The following PCCA variants were observed in gnomAD, a reference collection of about 807,000 sequenced individuals.
PCCA encodes the protein propionyl-CoA carboxylase alpha chain, mitochondrial.
PCCA carries 74 observed loss-of-function variants against 101.3 expected under a neutral mutation model. The ratio of observed to expected loss-of-function variants is 0.73; its 90% CI spans 0.61 to 0.89. The LOEUF is 0.89. Ranked by LOEUF, PCCA falls within the 40% of genes least tolerant of loss-of-function variation. The pLI, the probability that PCCA is intolerant of heterozygous loss-of-function variation, is 0.00. For missense variants in PCCA, 891 were observed against 907.0 expected, an observed-to-expected ratio of 0.98 and a Z score of 0.23; for synonymous variants, 294 against 313.6, an observed-to-expected ratio of 0.94 and a Z score of 0.66.
chr13:100,223,709 A>T (rs2059957968), intron 7 of PCCA, among the ~76,000 whole-genome samples: 1 of 152,048 alleles, frequency 6.6e-6, no homozygotes, highest in South Asian at 2.1e-4. Context: ...TGATTGGTAG[A>T]GCCTGGTGGT....
At chr13:100,202,157 C>T (rs2058556455) in intron 6 of PCCA, among the ~76,000 whole-genome samples, 1 of 132,312 alleles carries the variant, frequency 7.6e-6, no homozygotes, top group Non-Finnish European at 1.5e-5. Context: ...TAGCAAGACT[C>T]CATCTCTACC....
At chr13:100,343,664 A>G (rs1488981029) in intron 18 of PCCA, among the ~76,000 whole-genome samples, 2 of 152,206 alleles carry the variant, frequency 1.3e-5, no homozygotes, top group Admixed American at 6.5e-5. Context: ...CTAAAACTGG[A>G]TTGGGGTGAT....
chr13:100,224,932 A>G (rs1431812514), intron 7 of PCCA, among the ~76,000 whole-genome samples: 2 of 152,256 alleles, frequency 1.3e-5, no homozygotes, highest in Admixed American at 1.3e-4. Flanking sequence ...AGAGAAAATT[A>G]GGATCCAGAT....
chr13:100,143,991 T>A (rs1201632964), intron 4 of PCCA, among the ~76,000 whole-genome samples: 1 of 151,968 alleles, frequency 6.6e-6, no homozygotes, highest in East Asian at 1.9e-4. Context: ...CTGGAACTCC[T>A]GGGCTCAAAT....
intron 4 of PCCA, 128 bp from the exon 5 acceptor site, chr13:100,154,851 C>G: frequency 1.4e-6 from 1 of 738,994 alleles, no homozygotes; most frequent in Non-Finnish European, 2.5e-6. Context: ...TTAGTGCATA[C>G]TCAAAAAGAA....
chr13:100,152,259 C>G (rs1310520738), intron 4 of PCCA, among the ~76,000 whole-genome samples: 1 of 152,036 alleles, frequency 6.6e-6, no homozygotes, highest in Non-Finnish European at 1.5e-5. Flanking sequence ...GCCAACCAAT[C>G]CTTTATAAAC....
At chr13:100,525,026 T>TAGACAGACAGAC (rs1555330407) in intron 22 of PCCA, among the ~76,000 whole-genome samples, 2 of 142,526 alleles carry the variant, frequency 1.4e-5, no homozygotes, top group African/African-American at 5.3e-5. Flanking sequence ...GATAGATAGA[T>TAGACAGACAGAC]AGACAGACAG....
chr13:100,325,837 G>A (rs535258995), intron 16 of PCCA, among the ~76,000 whole-genome samples: 2 of 152,252 alleles, frequency 1.3e-5, no homozygotes, highest in South Asian at 4.2e-4. Flanking sequence ...GTAAGGGGCT[G>A]TCTTCTAAAG....
intron 21 of PCCA, chr13:100,480,459 A>G (rs754144773): frequency 1.3e-5 from 2 of 152,208 alleles, no homozygotes; most frequent in Non-Finnish European, 2.9e-5. Flanking sequence ...CACTTTGCAA[A>G]GGCTGACAGT....
intron 21 of PCCA, chr13:100,464,338 A>AT (rs2082363457): frequency 6.6e-6 from 1 of 152,112 alleles, no homozygotes; most frequent in Non-Finnish European, 1.5e-5. Flanking sequence ...CTGGTCCTCA[A>AT]TTTTTTCATC....
chr13:100,283,860 C>T (rs1436768190), intron 12 of PCCA, among the ~76,000 whole-genome samples: 1 of 152,190 alleles, frequency 6.6e-6, no homozygotes, highest in Non-Finnish European at 1.5e-5. Context: ...CAATGAGAAA[C>T]AGGCTGCCGC....
chr13:100,329,714 C>T (rs2069257748), intron 16 of PCCA, among the ~76,000 whole-genome samples: 1 of 152,042 alleles, frequency 6.6e-6, no homozygotes, highest in Non-Finnish European at 1.5e-5. Flanking sequence ...TATATGACAA[C>T]CAGCGATGAT....
chr13:100,247,200 G>A (rs1248612533), intron 8 of PCCA, among the ~76,000 whole-genome samples: 5 of 146,644 alleles, frequency 3.4e-5, no homozygotes, highest in Non-Finnish European at 7.4e-5. Context: ...AAGCCACTGC[G>A]CCCAGCCTGT....
intron 12 of PCCA, among the ~76,000 whole-genome samples, chr13:100,297,587 G>A (rs2065654810): frequency 2.6e-5 from 4 of 152,172 alleles, no homozygotes; most frequent in African/African-American, 9.7e-5. Flanking sequence ...AGAGGGAGTG[G>A]TAAGAGGTAT....
At chr13:100,090,542 A>T (rs182871142) in intron 1 of PCCA, among the ~76,000 whole-genome samples, 65 of 152,244 alleles carry the variant, frequency 4.3e-4, no homozygotes, top group African/African-American at 1.5e-3. Context: ...TTTTCAACAA[A>T]TATTTACTGA....
At chr13:100,140,267 G>A (rs956059903) in intron 4 of PCCA, among the ~76,000 whole-genome samples, 4 of 152,102 alleles carry the variant, frequency 2.6e-5, no homozygotes, top group Non-Finnish European at 4.4e-5. Context: ...AAAAACCTTG[G>A]GGTTTTACCT....
intron 21 of PCCA, among the ~76,000 whole-genome samples, chr13:100,505,668 C>T (rs769975187): frequency 3.3e-5 from 5 of 152,188 alleles, no homozygotes; most frequent in Non-Finnish European, 5.9e-5. Flanking sequence ...AGTTCAAGAC[C>T]AGCCTGGGCA....
intron 4 of PCCA, among the ~76,000 whole-genome samples, chr13:100,130,386 T>C (rs368178723): frequency 6.6e-6 from 1 of 152,224 alleles, no homozygotes; most frequent in Non-Finnish European, 1.5e-5. Context: ...GATTTATATC[T>C]GAGTCATTCA....
At chr13:100,509,355 G>A (rs957811587) in intron 21 of PCCA, among the ~76,000 whole-genome samples, 4 of 152,208 alleles carry the variant, frequency 2.6e-5, no homozygotes, top group African/African-American at 4.8e-5. Flanking sequence ...CCTTGCTAGT[G>A]AGAAAACGTG....
Sources: gnomAD v4.1 joint callset for allele counts (sites outside exome capture counted in the v4.1 genomes callset) on GRCh38, gnomAD v4.1.1 for gene constraint, MANE v1.5 for transcripts, NCBI Gene and HGNC (gene_info 2026-07-23, HGNC 2026-07-21) for gene names.